The following TBC1D4 variants were observed in gnomAD, a reference collection of about 807,000 sequenced individuals.
TBC1D4 encodes the protein TBC (Tre-2, BUB2, CDC16) domain-containing protein.
TBC1D4 carries 121 observed loss-of-function variants against 142.5 expected under a neutral mutation model. The observed-to-expected ratio is 0.85, with a 90% CI of 0.73 to 0.99. TBC1D4 has a LOEUF of 0.99. Among genes scored for constraint, TBC1D4 ranks in the 50% least tolerant of loss-of-function variants. The probability of loss-of-function intolerance (pLI) is 0.00; values close to 1 mark genes in which losing one functional copy is unlikely to be tolerated. For missense variants in TBC1D4, 1,475 were observed against 1,606.6 expected (o/e 0.92, Z 1.40); for synonymous variants, 630 against 628.2 (o/e 1.00, Z -0.04).
chr13:75,317,846 A>G lies in TBC1D4; in HGVS notation c.2222+2168T>C, dbSNP rs570318767. 1.2e-4 allele frequency among the ~76,000 whole-genome samples: 18 copies of G among 152,342 alleles called. No individual in the cohort carries two copies. In the East Asian group the frequency reaches 3.1e-3, roughly 26 times the overall value. On this transcript the variant is annotated intron_variant, in intron 12 of 20. Transcript: ENST00000377636. Reference sequence around the variant, plus strand: ...TAATTAAGAACCACAGTTTGTGAACACAAATTCAGACTTCATATGGGGAGA... The same window carrying G: ...TAATTAAGAACCACAGTTTGTGAACGCAAATTCAGACTTCATATGGGGAGA...
chr13:75,454,548 A>G (rs2138254684), intron 1 of TBC1D4, among the ~76,000 whole-genome samples: 1 of 152,362 alleles, frequency 6.6e-6, no homozygotes, highest in East Asian at 1.9e-4. Flanking sequence ...CTTTTAAGTA[A>G]AAGATGTTAT....
intron 1 of TBC1D4, among the ~76,000 whole-genome samples, chr13:75,457,122 G>C (rs971302549): frequency 3.3e-5 from 5 of 152,142 alleles, no homozygotes; most frequent in Admixed American, 2.6e-4. Context: ...ATTTCTAAGG[G>C]GGAATGGGTA....
chr13:75,414,501 T>C (rs959442431), intron 1 of TBC1D4, among the ~76,000 whole-genome samples: 10 of 152,220 alleles, frequency 6.6e-5, no homozygotes, highest in South Asian at 2.1e-4. Context: ...GATCAATTAA[T>C]GAAGTGTGTA....
rs547977736 is a variant in TBC1D4, at chr13:75,292,197, T to C, written c.3391A>G (p.Ile1131Val). 530 of 1,613,584 alleles carry C rather than the reference T, an allele frequency of 3.3e-4. 3 individuals are homozygous for C. The South Asian group carries it at 5.4e-3, about 16-fold the overall frequency. ...TTTTCAAAGCTCTCACATTCCATTA[T>C]AAGTGTCTCTTGGCTGCTCAGTAGG... ...LSLLSSQETL[I>V]MECESFENIV... is the part of the protein sequence containing the mutation. The change falls in exon 19 of 21, where the codon ATA becomes GTA. Residue 1131 changes from isoleucine (I) to valine (V), a missense_variant. Coordinates refer to ENST00000377636, the MANE Select transcript of TBC1D4 (RefSeq NM_014832.5).
chr13:75,439,617 A>G (rs1886949991), intron 1 of TBC1D4, among the ~76,000 whole-genome samples: 1 of 152,122 alleles, frequency 6.6e-6, no homozygotes, highest in African/African-American at 2.4e-5. Context: ...GCTGTACCCA[A>G]TGTTTAGAAA....
intron 16 of TBC1D4, among the ~76,000 whole-genome samples, chr13:75,301,644 CAAA>C (rs35184321): frequency 8.1e-6 from 1 of 124,102 alleles, no homozygotes; most frequent in Admixed American, 8.4e-5. Context: ...GACTCCATCT[CAAA>C]AAAAAAAAAA....
chr13:75,434,625 T>C (rs1242824941), intron 1 of TBC1D4, among the ~76,000 whole-genome samples: 2 of 152,048 alleles, frequency 1.3e-5, no homozygotes, highest in Non-Finnish European at 2.9e-5. Context: ...AACCTTCACA[T>C]GTACCCCCAA....
rs749266021 is a variant in TBC1D4 at position 75,286,686 on chromosome 13, G to A, written c.*106C>T. 4 of 1,113,804 alleles carry A rather than the reference G, an allele frequency of 3.6e-6. No homozygotes were observed. The highest frequency in any genetic ancestry group is 5.3e-6 in the Non-Finnish European group (4 of 749,902). The allele number at this position is 1,113,804 out of a possible 1,614,324, so 69.0% of individuals were successfully genotyped here. A position where few individuals can be genotyped will look rare whatever the true frequency, so the allele number is the denominator to read the frequency against. On this transcript the variant is annotated 3_prime_UTR_variant, in exon 21 of 21. Coordinates refer to ENST00000377636, the MANE Select transcript of TBC1D4 (RefSeq NM_014832.5). ...GACTAGGCGCTCAGCACCAGTATTAGGTGGTTCCATCAGCTTCAGGGTCCA... is the reference window on the plus strand; with the variant it reads ...GACTAGGCGCTCAGCACCAGTATTAAGTGGTTCCATCAGCTTCAGGGTCCA...
intron 17 of TBC1D4, among the ~76,000 whole-genome samples, chr13:75,295,228 G>A (rs1875786477): frequency 6.6e-6 from 1 of 152,154 alleles, no homozygotes; most frequent in Admixed American, 6.6e-5. Context: ...AGAAGACTGA[G>A]CAAGTTTCTC....
intron 4 of TBC1D4, among the ~76,000 whole-genome samples, chr13:75,350,785 T>C (rs1566411912): frequency 1.3e-5 from 2 of 152,168 alleles, no homozygotes; most frequent in Admixed American, 1.3e-4. Context: ...TAATGAACTT[T>C]TGATGTTTTT....
chr13:75,457,493 G>T (rs1887786436), intron 1 of TBC1D4, among the ~76,000 whole-genome samples: 2 of 152,178 alleles, frequency 1.3e-5, no homozygotes, highest in African/African-American at 4.8e-5. Flanking sequence ...ATCACCTGGA[G>T]TTGAGAACCC....
intron 1 of TBC1D4, among the ~76,000 whole-genome samples, chr13:75,457,429 A>G (rs1887783044): frequency 6.6e-6 from 1 of 152,158 alleles, no homozygotes; most frequent in African/African-American, 2.4e-5. Context: ...CAGCCTGACA[A>G]CCAAAAGTGT....
chr13:75,471,882 G>A lies in TBC1D4; in HGVS notation c.498+9388C>T, dbSNP rs143593044. Among the ~76,000 whole-genome samples, 14 of 152,198 alleles carry A rather than the reference G, an allele frequency of 9.2e-5. No homozygotes were observed. In the South Asian group the frequency reaches 2.3e-3, roughly 25 times the overall value. On this transcript the variant is annotated intron_variant, in intron 1 of 20. Coordinates refer to ENST00000377636, the MANE Select transcript of TBC1D4 (RefSeq NM_014832.5). ...AGCACTTTGGGAGGCCGAGGCGGGC[G>A]GATCACCTGAGGTCGGGAGTGCGAG...
chr13:75,371,193 G>A (rs1303119575), intron 1 of TBC1D4, among the ~76,000 whole-genome samples: 4 of 152,180 alleles, frequency 2.6e-5, no homozygotes, highest in African/African-American at 9.6e-5. Context: ...GAAATTCAAA[G>A]CAATAGGAAC....
At chr13:75,355,096 C>T (rs995589944) in intron 4 of TBC1D4, among the ~76,000 whole-genome samples, 9 of 152,196 alleles carry the variant, frequency 5.9e-5, no homozygotes, top group Admixed American at 3.3e-4. Flanking sequence ...ACTCCTACTT[C>T]TTCATTATTC....
Position 75,362,158 on chromosome 13 carries a change from G to T in TBC1D4, c.948C>A (p.Cys316Ter). The change falls in exon 2 of 21, where the codon TGC (cysteine) becomes TGA (stop). Residue 316 changes from cysteine (C) to a stop codon, truncating the protein, a stop_gained. Transcript: ENST00000377636. LOFTEE classifies it high-confidence loss of function. This position sits in a 1 kb window ranked among gnomAD's most constrained non-coding sequence, Gnocchi z 4.2. ...TCCGTTGCACGCCGGTGACACTGCT[G>T]CACCGAGACCGAAACTCCTGCTGCT... is the stretch of plus-strand genomic sequence containing the variant. ...FDEQQEFRSR[C>*]SSVTGVQRRV... 4 of 1,613,208 alleles carry T rather than the reference G, an allele frequency of 2.5e-6. No homozygotes were observed. Among genetic ancestry groups the T allele is most frequent in the Non-Finnish European group, 3.4e-6 (4 of 1,179,972 alleles).
intron 1 of TBC1D4, among the ~76,000 whole-genome samples, chr13:75,391,340 C>T (rs922706154): frequency 1.9e-4 from 29 of 152,154 alleles, no homozygotes; most frequent in Admixed American, 1.2e-3. Context: ...CCTGCATTTG[C>T]TATCTGTGAT....
chr13:75,463,312 G>T (rs533513499), intron 1 of TBC1D4, among the ~76,000 whole-genome samples: 1 of 152,110 alleles, frequency 6.6e-6, no homozygotes, highest in Non-Finnish European at 1.5e-5. Flanking sequence ...AGCTTAAGTG[G>T]AATTGATTCC....
chr13:75,381,548 G>C (rs1883847425), intron 1 of TBC1D4, among the ~76,000 whole-genome samples: 1 of 152,156 alleles, frequency 6.6e-6, no homozygotes, highest in Non-Finnish European at 1.5e-5. Context: ...ATAAAAATTT[G>C]ACTTGAAACC....
Sources: gnomAD v4.1 joint callset for allele counts (sites outside exome capture counted in the v4.1 genomes callset) on GRCh38, gnomAD v4.1.1 for gene constraint, Gnocchi (gnomAD v3.1) non-coding constraint, MANE v1.5 for transcripts, NCBI Gene and HGNC (gene_info 2026-07-23, HGNC 2026-07-21) for gene names.